PTPRT: variants seen among roughly 807,000 people sequenced by gnomAD.
PTPRT encodes protein tyrosine phosphatase receptor type T.
In PTPRT, 56 loss-of-function variants were observed where a neutral mutation model predicts 176.8. That is an observed-to-expected ratio of 0.32 (90% CI 0.26 to 0.40). PTPRT has a LOEUF of 0.40. Among genes scored for constraint, PTPRT ranks in the 10% least tolerant of loss-of-function variants. The pLI, the probability that PTPRT is intolerant of heterozygous loss-of-function variation, is 1.00. For synonymous variants in PTPRT, 783 were observed against 739.0 expected (o/e 1.06, Z -0.96); for missense variants, 1,540 against 1,908.2 (o/e 0.81, Z 3.60).
At chr20:42,715,382 C>T (rs541763091) in intron 6 of PTPRT, among the ~76,000 whole-genome samples, 2 of 151,974 alleles carry the variant, frequency 1.3e-5, no homozygotes, top group Non-Finnish European at 2.9e-5. Flanking sequence ...AAAATAGATA[C>T]TATAAATATT....
At chr20:42,965,973 T>C (rs1982270826) in intron 1 of PTPRT, among the ~76,000 whole-genome samples, 1 of 152,182 alleles carries the variant, frequency 6.6e-6, no homozygotes, top group South Asian at 2.1e-4. Flanking sequence ...CAGAAAAGTG[T>C]GTCACTAAAC....
intron 1 of PTPRT, among the ~76,000 whole-genome samples, chr20:43,050,767 C>A (rs1366464060): frequency 2.6e-5 from 4 of 152,190 alleles, no homozygotes; most frequent in Non-Finnish European, 5.9e-5. Context: ...ATAACAGAAC[C>A]TCCCTCTCTG....
chr20:42,478,057 C>T (rs1014476328), intron 7 of PTPRT, among the ~76,000 whole-genome samples: 4 of 152,232 alleles, frequency 2.6e-5, no homozygotes, highest in African/African-American at 9.6e-5. Flanking sequence ...CAGTTTCTTC[C>T]TTTGTTCTGT....
chr20:43,054,930 G>T (rs779055115), intron 1 of PTPRT, among the ~76,000 whole-genome samples: 2 of 152,068 alleles, frequency 1.3e-5, no homozygotes, highest in Admixed American at 6.5e-5. Flanking sequence ...CCCAATCAAA[G>T]AATTTATTTT....
chr20:42,227,954 C>T (rs1007754449), intron 15 of PTPRT, among the ~76,000 whole-genome samples: 2 of 152,090 alleles, frequency 1.3e-5, no homozygotes, highest in Non-Finnish European at 1.5e-5. Context: ...ACAGAGTCCT[C>T]CACAGGAATT....
chr20:42,478,565 G>T (rs2071330125), intron 7 of PTPRT, among the ~76,000 whole-genome samples: 1 of 151,914 alleles, frequency 6.6e-6, no homozygotes, highest in Admixed American at 6.6e-5. Flanking sequence ...GCAAAGCAAG[G>T]GATTATAAAT....
intron 1 of PTPRT, among the ~76,000 whole-genome samples, chr20:43,091,020 C>G (rs1025201821): frequency 6.6e-6 from 1 of 152,160 alleles, no homozygotes; most frequent in African/African-American, 2.4e-5. Context: ...CACTTGAGGT[C>G]AGGAGTTCAA....
chr20:42,819,753 A>T (rs1039599614), intron 2 of PTPRT, among the ~76,000 whole-genome samples: 9 of 151,412 alleles, frequency 5.9e-5, no homozygotes, highest in South Asian at 4.2e-4. Flanking sequence ...AAAAAAAAAT[A>T]AAAAAGCAGG....
chr20:43,182,602 G>C (rs1008785454), intron 1 of PTPRT, among the ~76,000 whole-genome samples: 1 of 152,074 alleles, frequency 6.6e-6, no homozygotes, highest in East Asian at 1.9e-4. Context: ...TGTTGACCAG[G>C]CTGGTCTTGA....
chr20:42,786,944 G>A (rs1391873753), intron 3 of PTPRT, among the ~76,000 whole-genome samples: 1 of 152,200 alleles, frequency 6.6e-6, no homozygotes, highest in African/African-American at 2.4e-5. Context: ...TGTACATCAG[G>A]GTTCAGCTAT....
At position 42,323,072 on chromosome 20, in the gene PTPRT, A is replaced by T. The variant is rs188897512; in HGVS notation, c.1866-7076T>A. Among the ~76,000 whole-genome samples, 108 of 152,032 alleles carry T rather than the reference A, an allele frequency of 7.1e-4. 2 individuals carry two copies. Among genetic ancestry groups the T allele is most frequent in the African/African-American group, 2.5e-3 (102 of 41,456 alleles). On this transcript the variant is annotated intron_variant, in intron 11 of 30. Transcript: ENST00000373187. The stretch of plus-strand genomic sequence containing the variant: ...AAACCACAATGAGATACCATCTCAC[A>T]CCAGTTAAAATGGCAGTCATTAAAA...
intron 8 of PTPRT, among the ~76,000 whole-genome samples, chr20:42,468,957 A>G (rs904607781): frequency 2.0e-5 from 3 of 152,144 alleles, no homozygotes; most frequent in Admixed American, 1.3e-4. Context: ...TCTACAGTGT[A>G]TTTCCCACAA....
At position 42,780,297 on chromosome 20, in the gene PTPRT, C is replaced by T. The variant is rs768718939; in HGVS notation, c.489G>A (p.Val163=). 7.4e-6 allele frequency: 12 copies of T among 1,613,338 alleles called. No individual in the cohort carries two copies. The South Asian group carries it at 1.3e-4, about 18-fold the overall frequency. ...ISTFWPHFYQ[V]IFESVSLKGH... ...CCTTCAATGAGACGGATTCAAATAT[C>T]ACCTGCAACACACAGGGCGGGAGTC... Residue 163 remains valine (V), a splice_region_variant and synonymous_variant, in exon 4 of 31, where the codon GTG becomes GTA. Coordinates refer to ENST00000373187, the MANE Select transcript of PTPRT (RefSeq NM_007050.6).
chr20:42,106,679 G>A (rs1986473637), intron 24 of PTPRT, 107 bp downstream of exon 24: 2 of 1,428,172 alleles, frequency 1.4e-6, no homozygotes, highest in Non-Finnish European at 9.6e-7. Flanking sequence ...TCACACCCAG[G>A]TCCTTTCCAT....
the PTPRT span, among the ~76,000 whole-genome samples, chr20:42,047,974 G>A: frequency 6.6e-6 from 1 of 152,186 alleles, no homozygotes; most frequent in Non-Finnish European, 1.5e-5. Context: ...TGAGGGTTGA[G>A]GGGATGAATA....
intron 8 of PTPRT, among the ~76,000 whole-genome samples, chr20:42,455,521 C>T (rs372171235): frequency 1.8e-4 from 28 of 152,250 alleles, no homozygotes; most frequent in African/African-American, 6.7e-4. Flanking sequence ...GAAACACTTT[C>T]TCTATCCTGA....
At chr20:43,176,953 C>A (rs1008371311) in intron 1 of PTPRT, among the ~76,000 whole-genome samples, 1 of 152,132 alleles carries the variant, frequency 6.6e-6, no homozygotes, top group Non-Finnish European at 1.5e-5. Flanking sequence ...AAAAGCCAGC[C>A]CAAGATATAC....
At chr20:42,106,737 C>T (rs750747200) in intron 24 of PTPRT, 49 bp downstream of exon 24, 1 of 1,584,054 alleles carries the variant, frequency 6.3e-7, no homozygotes, top group East Asian at 2.3e-5. Context: ...CATGTTTCTC[C>T]TTGGTCAGGG....
At chr20:42,298,825 C>G (rs2057421475) in intron 12 of PTPRT, among the ~76,000 whole-genome samples, 2 of 151,852 alleles carry the variant, frequency 1.3e-5, no homozygotes, top group Non-Finnish European at 2.9e-5. Context: ...AGAGGCTGAG[C>G]CAGGAGAATG....
Sources: allele counts gnomAD v4.1 joint callset (sites outside exome capture counted in the v4.1 genomes callset), GRCh38; gene constraint gnomAD v4.1.1; transcripts MANE v1.5; gene names NCBI Gene and HGNC (gene_info 2026-07-23, HGNC 2026-07-21).